Variants in KLHL3 observed in about 807,000 individuals in gnomAD.
KLHL3 encodes the protein kelch like family member 3.
KLHL3 carries 19 observed loss-of-function variants against 70.5 expected under a neutral mutation model. The observed-to-expected ratio is 0.27, with a 90% CI of 0.19 to 0.40. The LOEUF (loss-of-function observed/expected upper bound fraction) is 0.40, where lower values mean the gene tolerates loss of function less well. Among genes scored for constraint, KLHL3 ranks in the 10% least tolerant of loss-of-function variants. The pLI, the probability that KLHL3 is intolerant of heterozygous loss-of-function variation, is 1.00. For missense variants in KLHL3, 512 were observed against 771.1 expected (o/e 0.66, Z 3.98); for synonymous variants, 258 against 290.3 (o/e 0.89, Z 1.13).
At chr5:137,632,296 G>A (rs115622143) in intron 12 of KLHL3, among the ~76,000 whole-genome samples, 2 of 152,156 alleles carry the variant, frequency 1.3e-5, no homozygotes, top group Non-Finnish European at 2.9e-5. Flanking sequence ...CATGGTGCTG[G>A]TACCAAAAAT....
intron 1 of KLHL3, among the ~76,000 whole-genome samples, chr5:137,725,221 G>C (rs1753067451): frequency 1.3e-5 from 2 of 152,142 alleles, no homozygotes; most frequent in South Asian, 4.1e-4. Context: ...CCACTATCTT[G>C]TTCAAGTCTA....
chr5:137,728,990 AAAAAG>A (rs1023780740), intron 1 of KLHL3, among the ~76,000 whole-genome samples: 2 of 152,212 alleles, frequency 1.3e-5, no homozygotes, highest in African/African-American at 4.8e-5. Context: ...TAAAAAAAAA[AAAAAG>A]AAAAGAAAAA....
intron 13 of KLHL3, among the ~76,000 whole-genome samples, chr5:137,627,791 A>G (rs1299247335): frequency 6.6e-6 from 1 of 152,228 alleles, no homozygotes; most frequent in Non-Finnish European, 1.5e-5. Flanking sequence ...AAGCAAAGAC[A>G]GGAATACAAA....
intron 2 of KLHL3, among the ~76,000 whole-genome samples, chr5:137,717,048 C>T (rs1472670488): frequency 1.3e-5 from 2 of 152,234 alleles, no homozygotes; most frequent in East Asian, 1.9e-4. Flanking sequence ...ACAAGATCTG[C>T]CAGGGGCAGC....
chr5:137,675,867 C>T (rs1468423088), intron 6 of KLHL3, among the ~76,000 whole-genome samples: 1 of 152,152 alleles, frequency 6.6e-6, no homozygotes, highest in African/African-American at 2.4e-5. Flanking sequence ...CATTTTCTCA[C>T]TCTACACTTA....
rs139316656 is a variant in KLHL3, at chr5:137,713,982, G to A, written c.135-4126C>T. 8.3e-3 allele frequency among the ~76,000 whole-genome samples: 1,263 copies of A among 151,566 alleles called. 21 individuals carry two copies. The highest frequency in any genetic ancestry group is 0.029 in the African/African-American group (1,188 of 41,260). ...GTTGGTGTGCTGCACCCATTAACTCGTCATTTAGCATTAGGTATATCTCCT... is the reference window on the plus strand; with the variant it reads ...GTTGGTGTGCTGCACCCATTAACTCATCATTTAGCATTAGGTATATCTCCT... On this transcript the variant is annotated intron_variant, in intron 2 of 14. Transcript: ENST00000309755.
intron 13 of KLHL3, among the ~76,000 whole-genome samples, chr5:137,626,996 C>T (rs1396176437): frequency 2.1e-5 from 3 of 145,296 alleles, no homozygotes; most frequent in African/African-American, 7.8e-5. Flanking sequence ...GATCCTGTCT[C>T]AAAAAAAAAA....
intron 5 of KLHL3, among the ~76,000 whole-genome samples, chr5:137,686,943 C>A (rs1291184192): frequency 1.1e-4 from 1 of 8,754 alleles, no homozygotes; most frequent in Non-Finnish European, 2.3e-4. Flanking sequence ...CCCCTCTGCC[C>A]GGCCAGCCGC....
rs1173821192 is a variant in KLHL3, at chr5:137,692,623, C to G, written c.364-176G>C. The G allele has an allele frequency of 6.6e-6, 4 of 604,452 alleles. No individual in the cohort carries two copies. The African/African-American group carries it at 7.4e-5, about 11-fold the overall frequency. The allele number at this position is 604,452 out of a possible 1,614,324, so 37.4% of individuals were successfully genotyped here. The stretch of plus-strand genomic sequence containing the variant: ...TTATTTCCCACTACTCTGCCCTTCA[C>G]GGACCCTAAACACCAGCAGATTCTC... On this transcript the variant is annotated intron_variant, in intron 4 of 14. Transcript: ENST00000309755.
At chr5:137,714,612 G>A (rs986875855) in intron 2 of KLHL3, among the ~76,000 whole-genome samples, 2 of 152,288 alleles carry the variant, frequency 1.3e-5, no homozygotes, top group Middle Eastern at 3.4e-3. Context: ...GGTTGCCTAG[G>A]GCTGATGGGG....
At chr5:137,660,279 T>C (rs1751440034) in intron 7 of KLHL3, among the ~76,000 whole-genome samples, 1 of 152,186 alleles carries the variant, frequency 6.6e-6, no homozygotes, top group Non-Finnish European at 1.5e-5. Context: ...CAGTTGTGGA[T>C]GCCTGATGAA....
Position 137,628,409 on chromosome 5 carries a change from G to T in KLHL3, c.1479C>A (p.Tyr493Ter), listed in dbSNP as rs201519827. The change falls in exon 13 of 15, where the codon TAC (tyrosine) becomes TAA (stop). Residue 493 changes from tyrosine to a stop codon, truncating the protein, a stop_gained. Transcript: ENST00000309755. LOFTEE classifies it high-confidence loss of function. ...AGVGVLSGQLYATGGHDGPLV... is the reference protein window; with the variant it reads ...AGVGVLSGQL Reference sequence around the variant, plus strand: ...AAGGCCCATCATGCCCACCTGTGGCGTACAGCTGTCCGCTAAGCACTCCAA... The same window carrying T: ...AAGGCCCATCATGCCCACCTGTGGCTTACAGCTGTCCGCTAAGCACTCCAA... The T allele has an allele frequency of 6.2e-7, 1 of 1,614,120 alleles. No individual in the cohort carries two copies. Among genetic ancestry groups the T allele is most frequent in the East Asian group, 2.2e-5 (1 of 44,876 alleles).
At chr5:137,656,226 T>C (rs936669835) in intron 8 of KLHL3, among the ~76,000 whole-genome samples, 9 of 150,652 alleles carry the variant, frequency 6.0e-5, no homozygotes, top group African/African-American at 2.2e-4. Context: ...AAAAAGGAAA[T>C]TACTGCAAAG....
intron 8 of KLHL3, among the ~76,000 whole-genome samples, chr5:137,648,643 T>C (rs967544422): frequency 2.0e-5 from 3 of 152,204 alleles, no homozygotes; most frequent in Non-Finnish European, 4.4e-5. Flanking sequence ...CTGGGATGTG[T>C]CAGTATGCTC....
rs1185679892 is a variant in KLHL3, at chr5:137,621,540, T to A, written c.*558A>T. ...ACAGTAGTTAAAGTACATAAGTGGGTGTGGCCAGAGAACTGCCCCTCTCAC... is the reference window on the plus strand; with the variant it reads ...ACAGTAGTTAAAGTACATAAGTGGGAGTGGCCAGAGAACTGCCCCTCTCAC... On this transcript the variant is annotated 3_prime_UTR_variant, in exon 15 of 15. Transcript: ENST00000309755. The A allele has an allele frequency of 6.5e-6, 1 of 153,014 alleles. No homozygotes were observed. The highest frequency in any genetic ancestry group is 6.5e-5 in the Admixed American group (1 of 15,324). 9.5% of individuals were successfully genotyped at this position (153,014 alleles called of 1,614,324 possible). A position where few individuals can be genotyped will look rare whatever the true frequency, so the allele number is the denominator to read the frequency against.
chr5:137,727,378 C>A lies in KLHL3; in HGVS notation c.15-6794G>T, dbSNP rs536745429. On this transcript the variant is annotated intron_variant, in intron 1 of 14. Transcript: ENST00000309755. Reference sequence around the variant, plus strand: ...TCTCTTGCCAGGATTATTATAATAACCTCCTCCCAGACTCCAGAGGGACTT... The same window carrying A: ...TCTCTTGCCAGGATTATTATAATAAACTCCTCCCAGACTCCAGAGGGACTT... 3.9e-5 allele frequency among the ~76,000 whole-genome samples: 6 copies of A among 152,230 alleles called. No homozygotes were observed. In the South Asian group the frequency reaches 1.0e-3, roughly 26 times the overall value.
At chr5:137,680,337 C>T (rs1049545080) in intron 5 of KLHL3, among the ~76,000 whole-genome samples, 4 of 152,148 alleles carry the variant, frequency 2.6e-5, no homozygotes, top group South Asian at 2.1e-4. Context: ...TCCCAGGCTT[C>T]GCCATCCATT....
chr5:137,692,297 T>C lies in KLHL3; in HGVS notation c.514A>G (p.Asn172Asp). The C allele has an allele frequency of 6.2e-7, 1 of 1,612,422 alleles. No homozygotes were observed. Among genetic ancestry groups the C allele is most frequent in the Non-Finnish European group, 8.5e-7 (1 of 1,179,764 alleles). Reference protein sequence around the residue: ...HTCTDLLQQANAYAEQHFPEV... With the variant: ...HTCTDLLQQADAYAEQHFPEV... ...GGCTCCCCCTTACCTGCGTAGGCAT[T>C]GGCCTGCTGCAGAAGGTCAGTGCAG... The change falls in exon 5 of 15, where the codon AAT becomes GAT. Residue 172 changes from asparagine (N) to aspartate (D), a missense_variant. By Grantham distance (23) the Asn-to-Asp change is conservative (BLOSUM62 1). Coordinates refer to ENST00000309755, the MANE Select transcript of KLHL3 (RefSeq NM_017415.3).
chr5:137,640,046 C>A, intron 8 of KLHL3, 69 bp from the exon 9 acceptor site: 2 of 1,289,076 alleles, frequency 1.6e-6, no homozygotes, highest in Non-Finnish European at 2.3e-6. Flanking sequence ...CCTGGTACTT[C>A]CACATGGCTT....
Sources: allele counts gnomAD v4.1 joint callset (sites outside exome capture counted in the v4.1 genomes callset), GRCh38; gene constraint gnomAD v4.1.1; transcripts MANE v1.5; gene names NCBI Gene and HGNC (gene_info 2026-07-23, HGNC 2026-07-21).